The following SORL1 variants were observed in gnomAD, a reference collection of about 807,000 sequenced individuals.
SORL1 encodes sortilin related receptor 1.
A neutral mutation model predicts 273.7 loss-of-function variants in SORL1; 127 were observed. The ratio of observed to expected loss-of-function variants is 0.46; its 90% CI spans 0.40 to 0.54. SORL1 has a LOEUF of 0.54. SORL1 is among the 20% of genes least tolerant of loss of function. The pLI, the probability that SORL1 is intolerant of heterozygous loss-of-function variation, is 0.00. For missense variants in SORL1, 2,494 were observed against 2,846.1 expected (o/e 0.88, Z 2.81); for synonymous variants, 1,031 against 1,067.4 (o/e 0.97, Z 0.66).
intron 6 of SORL1, among the ~76,000 whole-genome samples, chr11:121,505,024 C>T (rs556023774): frequency 1.7e-4 from 26 of 152,078 alleles, no homozygotes; most frequent in Non-Finnish European, 3.5e-4. Flanking sequence ...ATATGTTAAA[C>T]CAATGCACAT....
chr11:121,578,248 A>G lies in SORL1; in HGVS notation c.3580+848A>G, dbSNP rs537321105. Among the ~76,000 whole-genome samples, 7 of 152,282 alleles carry G rather than the reference A, an allele frequency of 4.6e-5. No homozygotes were observed. The South Asian group carries it at 1.2e-3, about 27-fold the overall frequency. On this transcript the variant is annotated intron_variant, in intron 25 of 47. Transcript: ENST00000260197. The stretch of plus-strand genomic sequence containing the variant: ...ATGTTTCCTTTAAACATTTCATGGT[A>G]AGGACAGATCTGTTTTTACACTCGG...
At chr11:121,608,249 C>T (rs2282649) in intron 38 of SORL1, 73 bp downstream of exon 38, 378,493 of 1,222,666 alleles carry the variant, frequency 0.31, 64,750 homozygotes, top group East Asian at 0.54. Context: ...TCAGTATGAC[C>T]GGAAAATGGA....
At chr11:121,586,415 C>T in intron 27 of SORL1, 86 bp downstream of exon 27, 2 of 1,004,424 alleles carry the variant, frequency 2.0e-6, no homozygotes, top group Non-Finnish European at 3.2e-6. Flanking sequence ...CTTTCATTTC[C>T]TCAGTACCTG....
In SORL1 at chr11:121,563,432, G is replaced by T. The variant is rs747409936; in HGVS notation, c.3050-3508G>T. On this transcript the variant is annotated intron_variant, in intron 21 of 47. Transcript: ENST00000260197. This position sits in a 1 kb window ranked among gnomAD's most constrained non-coding sequence, Gnocchi z 4.2. The stretch of plus-strand genomic sequence containing the variant: ...TTTTTTGGAGACAGAGTCTCGTTCT[G>T]TTACCCCGGCTGGAGTGCAGTGATG... Among the ~76,000 whole-genome samples, 2 of 152,138 alleles carry T rather than the reference G, an allele frequency of 1.3e-5. No homozygotes were observed. The highest frequency in any genetic ancestry group is 2.9e-5 in the Non-Finnish European group (2 of 68,018).
intron 8 of SORL1, among the ~76,000 whole-genome samples, chr11:121,518,957 T>G (rs932956013): frequency 1.3e-5 from 2 of 150,898 alleles, no homozygotes; most frequent in Non-Finnish European, 3.0e-5. Flanking sequence ...TTTTCTTTTT[T>G]TTTTTTTTTG....
At chr11:121,580,640 T>C (rs1207730717) in intron 25 of SORL1, among the ~76,000 whole-genome samples, 1 of 151,300 alleles carries the variant, frequency 6.6e-6, no homozygotes, top group East Asian at 1.9e-4. Context: ...GGTTTTGTCT[T>C]GTCTCCCAGG....
At chr11:121,617,362 A>G (rs371459297) in intron 41 of SORL1, among the ~76,000 whole-genome samples, 5 of 152,370 alleles carry the variant, frequency 3.3e-5, no homozygotes, top group Admixed American at 2.6e-4. Context: ...TCCTTGTCTC[A>G]TAATGTTATG....
chr11:121,564,866 C>T (rs907200821), intron 21 of SORL1, among the ~76,000 whole-genome samples: 3 of 152,244 alleles, frequency 2.0e-5, no homozygotes, highest in African/African-American at 4.8e-5. Flanking sequence ...AGCCACTGCA[C>T]CCAGCCGGTA....
chr11:121,460,294 T>C (rs1468337674), intron 1 of SORL1, among the ~76,000 whole-genome samples: 3 of 151,900 alleles, frequency 2.0e-5, no homozygotes, highest in Non-Finnish European at 4.4e-5. Flanking sequence ...GGTGAATCAA[T>C]GGGTGGGCCC....
chr11:121,501,836 G>A (rs911365008), intron 6 of SORL1, among the ~76,000 whole-genome samples: 3 of 152,204 alleles, frequency 2.0e-5, no homozygotes, highest in Non-Finnish European at 4.4e-5. Context: ...AACCATATCA[G>A]TGACCTTTTG....
At position 121,590,830 on chromosome 11, in the gene SORL1, C is replaced by T. The variant is rs764964827; in HGVS notation, c.4214-171C>T. 1.4e-5 allele frequency: 11 copies of T among 786,684 alleles called. No individual in the cohort carries two copies. The South Asian group carries it at 1.5e-4, about 11-fold the overall frequency. The allele number at this position is 786,684 out of a possible 1,614,324, so 48.7% of individuals were successfully genotyped here. A position where few individuals can be genotyped will look rare whatever the true frequency, so the allele number is the denominator to read the frequency against. ...AAAAGAATATTGCCTCTTCTGACAACCCATTATACATGATTTCTAGATTAG... is the reference window on the plus strand; with the variant it reads ...AAAAGAATATTGCCTCTTCTGACAATCCATTATACATGATTTCTAGATTAG... On this transcript the variant is annotated intron_variant, in intron 30 of 47. Transcript: ENST00000260197.
intron 23 of SORL1, among the ~76,000 whole-genome samples, chr11:121,572,161 T>C (rs1409387938): frequency 2.0e-5 from 3 of 152,206 alleles, no homozygotes; most frequent in African/African-American, 7.2e-5. Flanking sequence ...TGGCAGAGCA[T>C]TCCTCCTTGT....
chr11:121,487,937 C>A, intron 3 of SORL1, 95 bp from the exon 4 acceptor site: 1 of 1,333,612 alleles, frequency 7.5e-7, no homozygotes, highest in Non-Finnish European at 1.1e-6. Flanking sequence ...GGCCCCTGCA[C>A]ATGTGTGTAC....
rs139760297 is a variant in SORL1 at position 121,549,960 on chromosome 11, T to C, written c.2052T>C (p.Cys684=). The C allele has an allele frequency of 1.2e-4, 191 of 1,613,344 alleles. No homozygotes were observed. The African/African-American group carries it at 2.3e-3, about 19-fold the overall frequency. ...NCSCTREDYE[C]DFGFKMSEDL... is the part of the protein sequence containing the mutation. ...TAACAAAGCCCAATTGCCTTTTTAG[T>C]GACTTCGGTTTCAAGATGAGTGAAG... Residue 684 remains cysteine (C), a splice_region_variant and synonymous_variant, in exon 15 of 48, where the codon TGT becomes TGC. Transcript: ENST00000260197.
At position 121,496,921 on chromosome 11, in the gene SORL1, C is replaced by A. The variant is rs1479982683; in HGVS notation, c.811C>A (p.Pro271Thr). The A allele has an allele frequency of 1.2e-6, 2 of 1,613,892 alleles. No homozygotes were observed. The highest frequency in any genetic ancestry group is 1.7e-6 in the Non-Finnish European group (2 of 1,179,870). ...TACCATCTACATTGAACGACATGAA[C>A]CCTCTGGCTACTCCACTGTCTTCCG... ...PNTIYIERHE[P>T]SGYSTVFRST... is the part of the protein sequence containing the mutation. The change falls in exon 6 of 48, where the codon CCC (proline) becomes ACC (threonine). Residue 271 changes from proline to threonine, a missense_variant. This residue lies in a region of SORL1 where 710 missense variants were observed against 882.5 expected (regional missense o/e 0.80). Coordinates refer to ENST00000260197, the MANE Select transcript of SORL1 (RefSeq NM_003105.6).
chr11:121,500,318 A>G (rs1284016507), intron 6 of SORL1, among the ~76,000 whole-genome samples: 1 of 152,208 alleles, frequency 6.6e-6, no homozygotes, highest in Admixed American at 6.5e-5. Flanking sequence ...CCAGGCCCAG[A>G]TATTTCTTGC....
chr11:121,513,370 G>A (rs896992921), intron 7 of SORL1, among the ~76,000 whole-genome samples: 1 of 152,184 alleles, frequency 6.6e-6, no homozygotes, highest in East Asian at 1.9e-4. Flanking sequence ...TGCCATCTGA[G>A]CAACGTGCCA....
chr11:121,512,886 T>C, intron 6 of SORL1, 117 bp from the exon 7 acceptor site: 1 of 706,844 alleles, frequency 1.4e-6, no homozygotes, highest in Non-Finnish European at 2.4e-6. Context: ...AATCACAGTC[T>C]CTATTTTGTG....
chr11:121,559,142 G>A (rs1299322746), intron 20 of SORL1, among the ~76,000 whole-genome samples: 1 of 152,052 alleles, frequency 6.6e-6, no homozygotes, highest in Non-Finnish European at 1.5e-5. Flanking sequence ...TTTTTTGTGC[G>A]CTTTGCTCAC....
Sources: gnomAD v4.1 joint callset for allele counts (sites outside exome capture counted in the v4.1 genomes callset) on GRCh38, gnomAD v4.1.1 for gene constraint, gnomAD v4.1.1 regional missense constraint, Gnocchi (gnomAD v3.1) non-coding constraint, MANE v1.5 for transcripts, NCBI Gene and HGNC (gene_info 2026-07-23, HGNC 2026-07-21) for gene names.